NELL1: variants seen among roughly 807,000 people sequenced by gnomAD.
The protein encoded by NELL1 is neural EGFL like 1, also known as protein kinase C-binding protein NELL1.
A neutral mutation model predicts 107.4 loss-of-function variants in NELL1; 76 were observed. That is an observed-to-expected ratio of 0.71 (90% confidence interval 0.59 to 0.86). The LOEUF (loss-of-function observed/expected upper bound fraction) is 0.86. Among genes scored for constraint, NELL1 ranks in the 40% least tolerant of loss-of-function variants. The probability of loss-of-function intolerance (pLI) is 0.00; values close to 1 mark genes in which losing one functional copy is unlikely to be tolerated. For synonymous variants in NELL1, 353 were observed against 341.2 expected, an observed-to-expected ratio of 1.03 and a Z score of -0.38; for missense variants, 1,024 against 1,005.5, an observed-to-expected ratio of 1.02 and a Z score of -0.25.
chr11:20,692,355 C>G (rs1854490831), intron 2 of NELL1, among the ~76,000 whole-genome samples: 1 of 152,032 alleles, frequency 6.6e-6, no homozygotes, highest in East Asian at 1.9e-4. Context: ...TCTTGCTTCT[C>G]TAGTTCTTTT....
intron 13 of NELL1, among the ~76,000 whole-genome samples, chr11:21,156,454 A>C (rs891761274): frequency 3.2e-4 from 49 of 152,088 alleles, no homozygotes; most frequent in African/African-American, 1.2e-3. Flanking sequence ...ATCTAGGCTA[A>C]ATAGTCAGAA....
chr11:21,546,245 C>A (rs889357118), intron 16 of NELL1, among the ~76,000 whole-genome samples: 2 of 151,972 alleles, frequency 1.3e-5, no homozygotes, highest in African/African-American at 4.8e-5. Context: ...AGATTCACTG[C>A]TTTCCTTTGT....
chr11:21,528,550 C>A (rs1351157235), intron 15 of NELL1, among the ~76,000 whole-genome samples: 1 of 122,596 alleles, frequency 8.2e-6, no homozygotes, highest in East Asian at 2.7e-4. Flanking sequence ...TGACTTGAAG[C>A]AGGCTGAGAC....
chr11:21,205,437 C>T (rs1208618069), intron 13 of NELL1, among the ~76,000 whole-genome samples: 1 of 152,172 alleles, frequency 6.6e-6, no homozygotes. Context: ...AAACCACCTA[C>T]CAAAGCCTCA....
intron 15 of NELL1, among the ~76,000 whole-genome samples, chr11:21,533,849 C>T (rs55983860): frequency 9.9e-5 from 15 of 151,888 alleles, no homozygotes; most frequent in Admixed American, 1.3e-4. Flanking sequence ...AAATAAATTT[C>T]GGAAACAGTG....
intron 2 of NELL1, among the ~76,000 whole-genome samples, chr11:20,693,530 C>G (rs1298927284): frequency 6.6e-6 from 1 of 152,030 alleles, no homozygotes; most frequent in African/African-American, 2.4e-5. Flanking sequence ...TATTTTATTT[C>G]TCCTTCACTT....
At chr11:20,778,251 T>C (rs1292579052) in intron 2 of NELL1, among the ~76,000 whole-genome samples, 1 of 152,204 alleles carries the variant, frequency 6.6e-6, no homozygotes, top group Non-Finnish European at 1.5e-5. Context: ...ATAAGGAAAC[T>C]GTCTTGCTTA....
At chr11:20,759,880 T>C (rs1362906107) in intron 2 of NELL1, among the ~76,000 whole-genome samples, 1 of 152,188 alleles carries the variant, frequency 6.6e-6, no homozygotes, top group Non-Finnish European at 1.5e-5. Context: ...CCACACTTTG[T>C]TTCCTGGACT....
chr11:20,782,380 A>G (rs374784937), intron 2 of NELL1, among the ~76,000 whole-genome samples: 1 of 152,198 alleles, frequency 6.6e-6, no homozygotes, highest in South Asian at 2.1e-4. Flanking sequence ...TACCCTAGAT[A>G]CTTGCAGATG....
At chr11:20,737,450 A>G (rs1855788044) in intron 2 of NELL1, among the ~76,000 whole-genome samples, 1 of 152,232 alleles carries the variant, frequency 6.6e-6, no homozygotes, top group Non-Finnish European at 1.5e-5. Context: ...ATAACTTGCT[A>G]CAAAAAAATC....
rs1304872200 is a variant in NELL1, at chr11:21,427,552, C to T, written c.1645+56604C>T. Among the ~76,000 whole-genome samples, 6 of 152,230 alleles carry T rather than the reference C, an allele frequency of 3.9e-5. No individual in the cohort carries two copies. In the South Asian group the frequency reaches 1.2e-3, roughly 32 times the overall value. On this transcript the variant is annotated intron_variant, in intron 15 of 19. Coordinates refer to ENST00000357134, the MANE Select transcript of NELL1 (RefSeq NM_006157.5). The stretch of plus-strand genomic sequence containing the variant: ...AACATACATGAAGATATTCAGCTTT[C>T]TCTGATATGTATAGTAAGTGCTAAA...
chr11:20,773,251 C>G (rs919733049), intron 2 of NELL1, among the ~76,000 whole-genome samples: 10 of 152,134 alleles, frequency 6.6e-5, no homozygotes, highest in Non-Finnish European at 1.3e-4. Flanking sequence ...TAGCTTGGTA[C>G]CCCACCCATC....
intron 15 of NELL1, among the ~76,000 whole-genome samples, chr11:21,501,005 G>A (rs2133931724): frequency 6.6e-6 from 1 of 152,242 alleles, no homozygotes; most frequent in South Asian, 2.1e-4. Context: ...ACCATTGCCA[G>A]TGACTATCCT....
chr11:21,058,823 C>G (rs1479638886), intron 12 of NELL1, among the ~76,000 whole-genome samples: 1 of 152,114 alleles, frequency 6.6e-6, no homozygotes, highest in Non-Finnish European at 1.5e-5. Context: ...CATTGAGTGT[C>G]AGAGGGACTA....
At chr11:20,681,792 T>A (rs1399071427) in intron 2 of NELL1, among the ~76,000 whole-genome samples, 2 of 152,074 alleles carry the variant, frequency 1.3e-5, no homozygotes, top group African/African-American at 4.8e-5. Context: ...CTACTGAATA[T>A]TCATTCAGTT....
At chr11:21,201,506 T>C (rs1857269138) in intron 13 of NELL1, among the ~76,000 whole-genome samples, 1 of 152,260 alleles carries the variant, frequency 6.6e-6, no homozygotes, top group Non-Finnish European at 1.5e-5. Context: ...AAGTTGTTTA[T>C]CAGCTTAAGG....
At chr11:21,190,899 A>T (rs192973749) in intron 13 of NELL1, among the ~76,000 whole-genome samples, 11 of 151,866 alleles carry the variant, frequency 7.2e-5, no homozygotes, top group African/African-American at 2.7e-4. Flanking sequence ...AGACAATGAG[A>T]GAGGTCATAG....
chr11:20,902,670 A>G (rs189994100), intron 5 of NELL1, among the ~76,000 whole-genome samples: 1 of 152,124 alleles, frequency 6.6e-6, no homozygotes, highest in East Asian at 1.9e-4. Context: ...AAGCATCATC[A>G]CAGGACTTTT....
chr11:20,841,069 C>A (rs1038500275), intron 3 of NELL1, among the ~76,000 whole-genome samples: 3 of 152,158 alleles, frequency 2.0e-5, no homozygotes, highest in Non-Finnish European at 4.4e-5. Context: ...GACTAGTAAT[C>A]TCTAAATTTC....
Sources: allele counts gnomAD v4.1 joint callset (sites outside exome capture counted in the v4.1 genomes callset), GRCh38; gene constraint gnomAD v4.1.1; transcripts MANE v1.5; gene names NCBI Gene and HGNC (gene_info 2026-07-23, HGNC 2026-07-21).